DTNA: variants seen among roughly 807,000 people sequenced by gnomAD.
DTNA encodes the protein dystrophin-related protein 3.
A neutral mutation model predicts 100.7 loss-of-function variants in DTNA; 43 were observed. The ratio of observed to expected loss-of-function variants is 0.43; its 90% CI spans 0.33 to 0.55. The LOEUF (loss-of-function observed/expected upper bound fraction) is 0.55. Among genes scored for constraint, DTNA ranks in the 20% least tolerant of loss-of-function variants. DTNA has a pLI of 0.04. For missense variants in DTNA, 798 were observed against 953.9 expected, an observed-to-expected ratio of 0.84 and a Z score of 2.15; for synonymous variants, 349 against 347.9, an observed-to-expected ratio of 1.00 and a Z score of -0.04.
chr18:34,556,498 G>A (rs1601819001), intron 1 of DTNA, among the ~76,000 whole-genome samples: 2 of 152,032 alleles, frequency 1.3e-5, no homozygotes, highest in African/African-American at 4.8e-5. Flanking sequence ...TGATTTTGCA[G>A]CGGCTGGTAC....
chr18:34,502,382 T>A (rs1354906878), intron 1 of DTNA, among the ~76,000 whole-genome samples: 1 of 152,176 alleles, frequency 6.6e-6, no homozygotes, highest in Non-Finnish European at 1.5e-5. Context: ...TTATAATTGT[T>A]ATTTTCTCCT....
At chr18:34,499,353 A>G (rs1206749379) in intron 1 of DTNA, among the ~76,000 whole-genome samples, 1 of 152,230 alleles carries the variant, frequency 6.6e-6, no homozygotes, top group Non-Finnish European at 1.5e-5. Context: ...TTTGTGGCAT[A>G]CATGAGCTAT....
intron 1 of DTNA, among the ~76,000 whole-genome samples, chr18:34,522,428 A>G (rs1568583992): frequency 1.3e-5 from 2 of 152,278 alleles, no homozygotes; most frequent in East Asian, 3.9e-4. Flanking sequence ...ATGTACTTTT[A>G]TGTGGGATGA....
At chr18:34,774,767 T>C (rs1568478613) in intron 3 of DTNA, among the ~76,000 whole-genome samples, 1 of 152,190 alleles carries the variant, frequency 6.6e-6, no homozygotes, top group South Asian at 2.1e-4. Context: ...TAGAAGTTGG[T>C]AATAGAAAAG....
chr18:34,728,471 AT>A (rs1175919129), intron 1 of DTNA, among the ~76,000 whole-genome samples: 2 of 152,110 alleles, frequency 1.3e-5, no homozygotes, highest in Non-Finnish European at 2.9e-5. Flanking sequence ...CCCACCTAAA[AT>A]TTCTATTCTC....
At chr18:34,768,893 A>T (rs2093624645) in intron 3 of DTNA, among the ~76,000 whole-genome samples, 1 of 152,176 alleles carries the variant, frequency 6.6e-6, no homozygotes, top group African/African-American at 2.4e-5. Context: ...AAAGATAATG[A>T]TAGAAATATG....
At chr18:34,647,015 G>T (rs887867995) in intron 1 of DTNA, among the ~76,000 whole-genome samples, 1 of 122,044 alleles carries the variant, frequency 8.2e-6, no homozygotes, top group Admixed American at 7.6e-5. Flanking sequence ...CGCCTGGCCA[G>T]TTTTGTTATT....
At chr18:34,781,246 A>T (rs1000983496) in intron 3 of DTNA, among the ~76,000 whole-genome samples, 1 of 152,198 alleles carries the variant, frequency 6.6e-6, no homozygotes, top group Non-Finnish European at 1.5e-5. Context: ...GCTTTTTAAA[A>T]AATTTTGTTT....
intron 1 of DTNA, among the ~76,000 whole-genome samples, chr18:34,555,354 G>T (rs1568644493): frequency 2.7e-5 from 4 of 150,134 alleles, no homozygotes; most frequent in Admixed American, 2.0e-4. Context: ...TTTTTGAAAG[G>T]TTTTTTGTGT....
intron 2 of DTNA, among the ~76,000 whole-genome samples, chr18:34,761,817 A>G (rs2148392245): frequency 6.6e-6 from 1 of 152,350 alleles, no homozygotes; most frequent in African/African-American, 2.4e-5. Flanking sequence ...CTGTATTAGT[A>G]TGAAGCAAAA....
At chr18:34,668,498 G>T (rs865934843) in intron 1 of DTNA, among the ~76,000 whole-genome samples, 1 of 151,978 alleles carries the variant, frequency 6.6e-6, no homozygotes, top group African/African-American at 2.4e-5. Context: ...TGTTTCTCTA[G>T]TTCTTTTAAT....
chr18:34,495,093 T>G (rs1248589677), intron 1 of DTNA, among the ~76,000 whole-genome samples: 1 of 152,158 alleles, frequency 6.6e-6, no homozygotes, highest in Non-Finnish European at 1.5e-5. Context: ...GGTCATACAT[T>G]TATTAAGTGT....
intron 1 of DTNA, among the ~76,000 whole-genome samples, chr18:34,495,127 T>TGCGC (rs1249203117): frequency 6.6e-6 from 1 of 152,236 alleles, no homozygotes; most frequent in East Asian, 1.9e-4. Flanking sequence ...GGGCTTTTCA[T>TGCGC]GCGCCCCTAA....
In DTNA at chr18:34,888,021, C is replaced by T. The variant is rs2096938308; in HGVS notation, c.*287C>T. On this transcript the variant is annotated 3_prime_UTR_variant, in exon 23 of 23. Coordinates refer to ENST00000444659, the MANE Select transcript of DTNA (RefSeq NM_001386795.1). ...AGAAGGAAAAAAAAAGACTTCTGTT[C>T]AAAGTTAACTTATCAGCTACATCCT... 8 of 985,828 alleles carry T rather than the reference C, an allele frequency of 8.1e-6. No individual in the cohort carries two copies. Among genetic ancestry groups the T allele is most frequent in the Non-Finnish European group, 9.6e-6 (8 of 829,944 alleles). The allele number at this position is 985,828 out of a possible 1,614,324, so 61.1% of individuals were successfully genotyped here. A position where few individuals can be genotyped will look rare whatever the true frequency, so the allele number is the denominator to read the frequency against.
intron 1 of DTNA, among the ~76,000 whole-genome samples, chr18:34,686,212 G>A (rs1267742907): frequency 6.6e-6 from 1 of 152,156 alleles, no homozygotes; most frequent in Non-Finnish European, 1.5e-5. Flanking sequence ...TCCTTGTCTT[G>A]TGCTGGTTTT....
intron 1 of DTNA, among the ~76,000 whole-genome samples, chr18:34,541,632 C>T (rs1378646911): frequency 1.3e-5 from 2 of 151,984 alleles, no homozygotes; most frequent in Non-Finnish European, 1.5e-5. Context: ...TATAAATTAC[C>T]CAGTCTCCAG....
At chr18:34,837,563 A>AT (rs2096178045) in intron 11 of DTNA, among the ~76,000 whole-genome samples, 1 of 152,194 alleles carries the variant, frequency 6.6e-6, no homozygotes, top group Non-Finnish European at 1.5e-5. Flanking sequence ...TCAAAGGTGT[A>AT]TTTCTCTGTT....
chr18:34,833,336 G>A (rs987194047), intron 11 of DTNA, among the ~76,000 whole-genome samples: 8 of 151,870 alleles, frequency 5.3e-5, no homozygotes, highest in Admixed American at 5.3e-4. Context: ...CAAAGCTAAG[G>A]GGATAATTTT....
intron 1 of DTNA, among the ~76,000 whole-genome samples, chr18:34,702,325 C>T (rs149237468): frequency 3.3e-4 from 50 of 152,304 alleles, no homozygotes; most frequent in African/African-American, 1.1e-3. Context: ...TAAATTATCA[C>T]GTGAAGCTGC....
Sources: gnomAD v4.1 joint callset for allele counts (sites outside exome capture counted in the v4.1 genomes callset) on GRCh38, gnomAD v4.1.1 for gene constraint, MANE v1.5 for transcripts, NCBI Gene and HGNC (gene_info 2026-07-23, HGNC 2026-07-21) for gene names.